USH2A: variants seen among roughly 807,000 people sequenced by gnomAD.
USH2A encodes Usher syndrome 2A (autosomal recessive, mild).
A neutral mutation model predicts 538.9 loss-of-function variants in USH2A; 443 were observed. The observed-to-expected ratio is 0.82, with a 90% CI of 0.76 to 0.89. The LOEUF (loss-of-function observed/expected upper bound fraction) is 0.89, where lower values mean the gene tolerates loss of function less well. Among genes scored for constraint, USH2A ranks in the 40% least tolerant of loss-of-function variants. The probability of loss-of-function intolerance (pLI) is 0.00; values close to 1 mark genes in which losing one functional copy is unlikely to be tolerated. For synonymous variants in USH2A, 2,413 were observed against 2,273.5 expected, an observed-to-expected ratio of 1.06 and a Z score of -1.75; for missense variants, 6,633 against 6,324.8, an observed-to-expected ratio of 1.05 and a Z score of -1.65.
At chr1:216,228,943 G>A (rs1437110188) in intron 14 of USH2A, among the ~76,000 whole-genome samples, 7 of 152,108 alleles carry the variant, frequency 4.6e-5, no homozygotes, top group Non-Finnish European at 7.4e-5. Context: ...GGAGGCCGAG[G>A]TGGGCGGATC....
intron 51 of USH2A, among the ~76,000 whole-genome samples, chr1:215,787,182 C>G (rs949480001): frequency 6.6e-6 from 1 of 152,116 alleles, no homozygotes; most frequent in African/African-American, 2.4e-5. Flanking sequence ...AAATTTACTA[C>G]CAAGGTTTGT....
chr1:215,837,982 A>T lies in USH2A; in HGVS notation c.9371+9T>A, dbSNP rs748389955. On this transcript the variant is annotated intron_variant, in intron 47 of 71. Transcript: ENST00000307340. Reference sequence around the variant, plus strand: ...GTTCCTTAGATTTAACTGACACAAAATTTTGTACCTTGAAGTGATGCCACG... The same window carrying T: ...GTTCCTTAGATTTAACTGACACAAATTTTTGTACCTTGAAGTGATGCCACG... The T allele has an allele frequency of 1.0e-5, 16 of 1,607,982 alleles. No homozygotes were observed. In the South Asian group the frequency reaches 1.5e-4, roughly 15 times the overall value.
chr1:216,275,045 T>C (rs1457110390), intron 11 of USH2A, among the ~76,000 whole-genome samples: 1 of 152,102 alleles, frequency 6.6e-6, no homozygotes, highest in Non-Finnish European at 1.5e-5. Context: ...TTCCCAGCAA[T>C]GGTTACATAT....
chr1:215,958,341 C>A (rs1021980816), intron 37 of USH2A, among the ~76,000 whole-genome samples: 3 of 152,092 alleles, frequency 2.0e-5, no homozygotes, highest in Non-Finnish European at 4.4e-5. Flanking sequence ...TGGTAACTGG[C>A]AATTCCAGGA....
chr1:215,676,981 T>C (rs1658052355), intron 62 of USH2A, among the ~76,000 whole-genome samples: 1 of 152,208 alleles, frequency 6.6e-6, no homozygotes, highest in South Asian at 2.1e-4. Context: ...TATTCCCTCA[T>C]GCTTTTGCTC....
At chr1:215,816,959 G>A in intron 48 of USH2A, 38 bp downstream of exon 48, 3 of 1,605,272 alleles carry the variant, frequency 1.9e-6, no homozygotes, top group Non-Finnish European at 2.6e-6. Context: ...TCTTGAGTGA[G>A]AAAAACATGG....
At chr1:216,217,633 T>C in intron 14 of USH2A, 83 bp from the exon 15 acceptor site, 1 of 1,528,428 alleles carries the variant, frequency 6.5e-7, no homozygotes, top group Non-Finnish European at 9.0e-7. Flanking sequence ...ACCAATAGCA[T>C]TGTAGAGTAA....
intron 47 of USH2A, 88 bp downstream of exon 47, chr1:215,837,903 T>C: frequency 9.3e-7 from 1 of 1,077,470 alleles, no homozygotes; most frequent in Non-Finnish European, 1.4e-6. Context: ...TTAAATGAGA[T>C]TGTCATGGCT....
At chr1:215,934,094 G>C (rs1223881121) in intron 38 of USH2A, among the ~76,000 whole-genome samples, 1 of 151,898 alleles carries the variant, frequency 6.6e-6, no homozygotes, top group Non-Finnish European at 1.5e-5. Context: ...TAATTATTAG[G>C]ATCAGGAATT....
At chr1:216,304,113 G>C (rs917436823) in intron 9 of USH2A, among the ~76,000 whole-genome samples, 1 of 151,844 alleles carries the variant, frequency 6.6e-6, no homozygotes, top group African/African-American at 2.4e-5. Context: ...AAAAAGAATT[G>C]TACCATTTTA....
intron 32 of USH2A, among the ~76,000 whole-genome samples, chr1:216,025,157 T>C (rs4546891): frequency 0.014 from 2,068 of 152,006 alleles, 48 homozygotes; most frequent in African/African-American, 0.047. Context: ...TTGTTTTTTA[T>C]ATTACATAGT....
At chr1:216,002,737 G>C (rs1034021780) in intron 32 of USH2A, among the ~76,000 whole-genome samples, 10 of 152,026 alleles carry the variant, frequency 6.6e-5, no homozygotes, top group Admixed American at 2.0e-4. Context: ...ACTTTGCTGG[G>C]GTGGGGATTT....
intron 30 of USH2A, among the ~76,000 whole-genome samples, chr1:216,066,424 C>T (rs541929091): frequency 1.3e-5 from 2 of 152,132 alleles, no homozygotes; most frequent in African/African-American, 2.4e-5. Context: ...AGAGATTGCG[C>T]CACTGCACTA....
rs758557130 is a variant in USH2A at position 215,680,165 on chromosome 1, G to A, written c.12278C>T (p.Thr4093Ile). 2 of 1,613,964 alleles carry A rather than the reference G, an allele frequency of 1.2e-6. No individual in the cohort carries two copies. Among genetic ancestry groups the A allele is most frequent in the Admixed American group, 1.7e-5 (1 of 59,988 alleles). ...LLLQWSEPMR[T>I]NGVIKTYNIF... ...AGACATTACCTTAATCACACCATTG[G>A]TTCTCATAGGTTCTGACCACTGTAG... is the stretch of plus-strand genomic sequence containing the variant. Residue 4093 changes from threonine to isoleucine, a missense_variant, in exon 62 of 72, where the codon ACC (threonine) becomes ATC (isoleucine). Thr to Ile is a moderately conservative substitution (Grantham distance 89). Coordinates refer to ENST00000307340, the MANE Select transcript of USH2A (RefSeq NM_206933.4).
intron 4 of USH2A, among the ~76,000 whole-genome samples, chr1:216,340,795 C>T (rs1485219095): frequency 1.3e-5 from 2 of 151,940 alleles, no homozygotes; most frequent in Non-Finnish European, 1.5e-5. Flanking sequence ...AAATTCAACA[C>T]CCCTTCTTGT....
At chr1:215,865,050 T>C (rs1331044312) in intron 44 of USH2A, among the ~76,000 whole-genome samples, 1 of 152,198 alleles carries the variant, frequency 6.6e-6, no homozygotes, top group Non-Finnish European at 1.5e-5. Flanking sequence ...TTTGTTGCCT[T>C]TGAGCATATT....
intron 21 of USH2A, among the ~76,000 whole-genome samples, chr1:216,112,787 G>GT (rs1436152658): frequency 5.3e-5 from 8 of 151,194 alleles, no homozygotes; most frequent in Middle Eastern, 3.2e-3. Context: ...ACATGATCTT[G>GT]TTTTTTTTCA....
intron 3 of USH2A, among the ~76,000 whole-genome samples, chr1:216,415,595 AG>A: frequency 6.9e-6 from 1 of 145,250 alleles, no homozygotes; most frequent in Non-Finnish European, 1.5e-5. Flanking sequence ...GGGTCACTGA[AG>A]CCTTGACTTC....
chr1:215,655,167 T>C (rs779759458), intron 64 of USH2A, among the ~76,000 whole-genome samples: 3 of 152,202 alleles, frequency 2.0e-5, no homozygotes, highest in African/African-American at 4.8e-5. Flanking sequence ...CACCCAATAT[T>C]ATTTGAAAAA....
Sources: allele counts gnomAD v4.1 joint callset (sites outside exome capture counted in the v4.1 genomes callset), GRCh38; gene constraint gnomAD v4.1.1; transcripts MANE v1.5; gene names NCBI Gene and HGNC (gene_info 2026-07-23, HGNC 2026-07-21).